GRID2: variants seen among roughly 807,000 people sequenced by gnomAD.
GRID2 encodes the protein glutamate receptor ionotropic, delta-2.
GRID2 carries 33 observed loss-of-function variants against 114.8 expected under a neutral mutation model. The observed-to-expected ratio is 0.29, with a 90% CI of 0.22 to 0.38. The LOEUF (loss-of-function observed/expected upper bound fraction) is 0.38, where lower values mean the gene tolerates loss of function less well. GRID2 is among the 10% of genes least tolerant of loss of function. The pLI is 1.00. For missense variants in GRID2, 1,184 were observed against 1,257.7 expected (o/e 0.94, Z 0.89); for synonymous variants, 505 against 449.9 (o/e 1.12, Z -1.55).
At chr4:93,457,730 A>G (rs1723339709) in intron 11 of GRID2, among the ~76,000 whole-genome samples, 1 of 152,152 alleles carries the variant, frequency 6.6e-6, no homozygotes, top group Admixed American at 6.6e-5. Context: ...AGTACTGAAG[A>G]AAAAAGGAGA....
chr4:92,642,041 G>A (rs541852821), intron 2 of GRID2, among the ~76,000 whole-genome samples: 14 of 151,222 alleles, frequency 9.3e-5, no homozygotes, highest in Middle Eastern at 3.4e-3. Context: ...ATTGATAGGC[G>A]CCTAGGTTGA....
intron 4 of GRID2, among the ~76,000 whole-genome samples, chr4:93,117,438 T>G (rs553383377): frequency 6.6e-6 from 1 of 152,294 alleles, no homozygotes; most frequent in Admixed American, 6.5e-5. Context: ...CTTTATTAAC[T>G]GATTTTGTTT....
At chr4:92,328,214 T>G (rs1401468997) in intron 1 of GRID2, among the ~76,000 whole-genome samples, 1 of 152,022 alleles carries the variant, frequency 6.6e-6, no homozygotes, top group African/African-American at 2.4e-5. Context: ...GGATAAGGAC[T>G]GCATCTTATG....
At chr4:93,714,968 C>A (rs1343163820) in intron 14 of GRID2, among the ~76,000 whole-genome samples, 1 of 152,184 alleles carries the variant, frequency 6.6e-6, no homozygotes, top group Non-Finnish European at 1.5e-5. Context: ...GCTTTTGTTT[C>A]AGTTGCTTTA....
intron 2 of GRID2, among the ~76,000 whole-genome samples, chr4:92,708,117 T>C (rs1289988856): frequency 8.5e-5 from 13 of 152,136 alleles, no homozygotes; most frequent in Non-Finnish European, 1.9e-4. Flanking sequence ...CATGAAAATG[T>C]AGTATTCTAG....
intron 2 of GRID2, among the ~76,000 whole-genome samples, chr4:92,874,988 T>C (rs1413408941): frequency 2.6e-5 from 4 of 152,132 alleles, no homozygotes; most frequent in African/African-American, 9.7e-5. Flanking sequence ...AGAATTCAAG[T>C]GTGTATCCAT....
chr4:92,609,841 T>C (rs1295622998), intron 2 of GRID2, among the ~76,000 whole-genome samples: 1 of 151,670 alleles, frequency 6.6e-6, no homozygotes, highest in Non-Finnish European at 1.5e-5. Context: ...ATGCAGTTTA[T>C]CTGCATATTT....
chr4:93,528,719 T>G (rs898119150), intron 13 of GRID2, among the ~76,000 whole-genome samples: 25 of 152,196 alleles, frequency 1.6e-4, no homozygotes, highest in Admixed American at 1.2e-3. Context: ...AATAACCTAT[T>G]AACCAGCCCC....
In GRID2 at chr4:92,304,192, G is replaced by A. The variant is rs939925958; in HGVS notation, c.-465G>A. ...CAGCGAAGACCAGTGATTCTCTGCG[G>A]GCTGTAGGGGCGGGGGCGGGGGTCT... On this transcript the variant is annotated 5_prime_UTR_variant, in exon 1 of 16. Transcript: ENST00000282020. 2.3e-5 allele frequency: 4 copies of A among 177,056 alleles called. No homozygotes were observed. Among genetic ancestry groups the A allele is most frequent in the Admixed American group, 1.7e-4 (3 of 17,436 alleles). 11.0% of individuals were successfully genotyped at this position (177,056 alleles called of 1,614,324 possible).
chr4:92,664,597 A>G (rs1732678525), intron 2 of GRID2, among the ~76,000 whole-genome samples: 1 of 150,998 alleles, frequency 6.6e-6, no homozygotes, highest in African/African-American at 2.4e-5. Context: ...TTCCTTACTT[A>G]TCTTCTGTCT....
At chr4:92,723,421 A>G (rs1735906593) in intron 2 of GRID2, among the ~76,000 whole-genome samples, 1 of 152,178 alleles carries the variant, frequency 6.6e-6, no homozygotes, top group Non-Finnish European at 1.5e-5. Flanking sequence ...AGAGTTGTGT[A>G]ATGTATCAGC....
intron 1 of GRID2, among the ~76,000 whole-genome samples, chr4:92,385,880 G>T (rs961495269): frequency 4.5e-5 from 3 of 67,140 alleles, no homozygotes; most frequent in Non-Finnish European, 6.2e-5. Context: ...ATATACGTGT[G>T]TGTGTGTGTG....
chr4:92,462,473 A>T (rs909047096), intron 1 of GRID2, among the ~76,000 whole-genome samples: 25 of 152,018 alleles, frequency 1.6e-4, no homozygotes, highest in African/African-American at 6.0e-4. Context: ...GCTGGAAGCA[A>T]AAATATATTT....
chr4:92,823,198 A>T (rs1013006728), intron 2 of GRID2, among the ~76,000 whole-genome samples: 2 of 152,164 alleles, frequency 1.3e-5, no homozygotes, highest in Non-Finnish European at 2.9e-5. Context: ...AGTCACATAT[A>T]TATGGAGAAA....
At chr4:93,052,695 T>C (rs866378135) in intron 2 of GRID2, among the ~76,000 whole-genome samples, 2 of 151,930 alleles carry the variant, frequency 1.3e-5, no homozygotes, top group African/African-American at 4.8e-5. Context: ...CAATATACAA[T>C]GACAATTCTT....
chr4:92,357,608 G>C (rs1336024124), intron 1 of GRID2, among the ~76,000 whole-genome samples: 3 of 151,546 alleles, frequency 2.0e-5, no homozygotes, highest in Non-Finnish European at 4.4e-5. Flanking sequence ...CACATTATTA[G>C]TTAAATAAAT....
intron 11 of GRID2, among the ~76,000 whole-genome samples, chr4:93,482,875 T>G (rs1456933208): frequency 6.6e-6 from 1 of 151,932 alleles, no homozygotes; most frequent in Non-Finnish European, 1.5e-5. Flanking sequence ...GGGTTCAATA[T>G]AGTGAACCCA....
chr4:93,339,872 G>A (rs951232873), intron 8 of GRID2, among the ~76,000 whole-genome samples: 1 of 135,970 alleles, frequency 7.4e-6, no homozygotes, highest in Non-Finnish European at 1.5e-5. Context: ...GCTGAGCCAA[G>A]GGGGAAAAAA....
intron 13 of GRID2, among the ~76,000 whole-genome samples, chr4:93,550,605 A>G (rs1578239931): frequency 6.6e-6 from 1 of 152,350 alleles, no homozygotes; most frequent in East Asian, 1.9e-4. Context: ...TGCCTGCATT[A>G]AGACTATTCA....
Sources: gnomAD v4.1 joint callset for allele counts (sites outside exome capture counted in the v4.1 genomes callset) on GRCh38, gnomAD v4.1.1 for gene constraint, MANE v1.5 for transcripts, NCBI Gene and HGNC (gene_info 2026-07-23, HGNC 2026-07-21) for gene names.